Variants in SAMD5 observed in about 807,000 individuals in gnomAD.
SAMD5 encodes sterile alpha motif domain containing 5.
A neutral mutation model predicts 11.3 loss-of-function variants in SAMD5; 13 were observed. The ratio of observed to expected loss-of-function variants is 1.15; its 90% confidence interval spans 0.75 to 1.83. The LOEUF (loss-of-function observed/expected upper bound fraction) is 1.83. SAMD5 is among the 40% of genes most tolerant of loss of function. The pLI is 0.00. For missense variants in SAMD5, 255 were observed against 239.1 expected (o/e 1.07, Z -0.44); for synonymous variants, 129 against 111.3 (o/e 1.16, Z -1.00).
At chr6:147,622,992 C>T (rs1583110926) in intron 1 of SAMD5, among the ~76,000 whole-genome samples, 3 of 152,142 alleles carry the variant, frequency 2.0e-5, no homozygotes, top group Non-Finnish European at 4.4e-5. Flanking sequence ...GGAAACAGCC[C>T]TCATGATTAA....
At chr6:147,748,396 A>G in the SAMD5 span, among the ~76,000 whole-genome samples, 9 of 152,204 alleles carry the variant, frequency 5.9e-5, no homozygotes, top group African/African-American at 2.2e-4. Context: ...CACCTGTGCC[A>G]AGGAAATAGT....
intron 1 of SAMD5, among the ~76,000 whole-genome samples, chr6:147,628,545 T>C (rs898502696): frequency 6.6e-6 from 1 of 152,218 alleles, no homozygotes. Flanking sequence ...CAGGACAGTC[T>C]ATCTGAATCT....
At chr6:147,715,490 A>T (rs866509938) in intron 1 of SAMD5, among the ~76,000 whole-genome samples, 28 of 152,140 alleles carry the variant, frequency 1.8e-4, no homozygotes, top group African/African-American at 6.3e-4. Context: ...AGCCCCAGAG[A>T]GGTTGTCACA....
At chr6:147,520,118 T>TATAG (rs1788229232) in intron 1 of SAMD5, among the ~76,000 whole-genome samples, 1 of 44,756 alleles carries the variant, frequency 2.2e-5, no homozygotes, top group African/African-American at 4.2e-4. Flanking sequence ...AACTTTATAG[T>TATAG]TTTTTTTTTT....
chr6:147,803,245 T>C, the SAMD5 span, among the ~76,000 whole-genome samples: 4,717 of 151,874 alleles, frequency 0.031, 243 homozygotes, highest in African/African-American at 0.11. Flanking sequence ...TGTTTCTTCG[T>C]TGATTCTCAC....
At chr6:147,834,878 C>T in the SAMD5 span, among the ~76,000 whole-genome samples, 1 of 152,090 alleles carries the variant, frequency 6.6e-6, no homozygotes, top group Non-Finnish European at 1.5e-5. Flanking sequence ...AATTTGGACT[C>T]CATAAGTATG....
At chr6:147,744,863 A>C in the SAMD5 span, among the ~76,000 whole-genome samples, 1 of 145,534 alleles carries the variant, frequency 6.9e-6, no homozygotes, top group Non-Finnish European at 1.5e-5. Flanking sequence ...ACACCACTGC[A>C]CTCCAGCCTG....
intron 1 of SAMD5, among the ~76,000 whole-genome samples, chr6:147,537,737 C>CAG (rs552911458): frequency 7.7e-4 from 111 of 144,666 alleles, no homozygotes; most frequent in African/African-American, 2.9e-3. Flanking sequence ...GCCTGGGTGA[C>CAG]AGAGAGAGAC....
chr6:147,676,718 A>C (rs190181822), intron 1 of SAMD5, among the ~76,000 whole-genome samples: 10 of 151,838 alleles, frequency 6.6e-5, no homozygotes, highest in Non-Finnish European at 1.2e-4. Flanking sequence ...AGAAAGTAAC[A>C]TTTAAACCAG....
the SAMD5 span, among the ~76,000 whole-genome samples, chr6:147,832,367 TA>T: frequency 6.6e-6 from 1 of 152,180 alleles, no homozygotes; most frequent in African/African-American, 2.4e-5. Flanking sequence ...CTATAAAAAA[TA>T]AAAACGATGT....
chr6:147,856,427 T>C, the SAMD5 span, among the ~76,000 whole-genome samples: 1 of 152,224 alleles, frequency 6.6e-6, no homozygotes, highest in Non-Finnish European at 1.5e-5. Context: ...CTTTAATATG[T>C]GCAGTTTGGC....
At chr6:147,909,605 T>TTCTTTCTTTCTTTCTTTTCTTTCTTTC in the SAMD5 span, among the ~76,000 whole-genome samples, 10 of 70,000 alleles carry the variant, frequency 1.4e-4, 1 homozygote, top group East Asian at 1.8e-3. Context: ...TCTTTCTTTC[T>TTCTTTCTTTCTTTCTTTTCTTTCTTTC]TTCTTTCTTT....
chr6:147,689,893 G>A (rs1178485017), intron 1 of SAMD5, among the ~76,000 whole-genome samples: 1 of 152,128 alleles, frequency 6.6e-6, no homozygotes, highest in East Asian at 1.9e-4. Flanking sequence ...AAGTAATTCT[G>A]TCTGGAAATT....
chr6:147,751,665 G>A, the SAMD5 span, among the ~76,000 whole-genome samples: 231 of 152,212 alleles, frequency 1.5e-3, no homozygotes, highest in Non-Finnish European at 2.0e-3. Context: ...ATTAACCCCC[G>A]TAAAAAAATG....
chr6:147,799,309 A>T, the SAMD5 span, among the ~76,000 whole-genome samples: 2 of 151,738 alleles, frequency 1.3e-5, no homozygotes, highest in African/African-American at 2.4e-5. Context: ...AAAGTATTTT[A>T]TTTCTCCTTC....
At chr6:147,597,060 C>A (rs1211782624) in intron 1 of SAMD5, among the ~76,000 whole-genome samples, 1 of 152,128 alleles carries the variant, frequency 6.6e-6, no homozygotes, top group Non-Finnish European at 1.5e-5. Flanking sequence ...GAGGAATCAC[C>A]TGGATTCATT....
At chr6:147,587,509 T>C (rs1789391424) in intron 1 of SAMD5, among the ~76,000 whole-genome samples, 2 of 152,208 alleles carry the variant, frequency 1.3e-5, no homozygotes, top group African/African-American at 4.8e-5. Flanking sequence ...TGTGCTGGCA[T>C]TACAGGCATG....
the SAMD5 span, among the ~76,000 whole-genome samples, chr6:147,918,237 A>C: frequency 9.9e-5 from 15 of 152,082 alleles, no homozygotes; most frequent in African/African-American, 2.9e-4. Context: ...CTTTTATTTC[A>C]TTGAGCAGTG....
chr6:147,842,969 C>A, the SAMD5 span, among the ~76,000 whole-genome samples: 1 of 152,182 alleles, frequency 6.6e-6, no homozygotes, highest in Non-Finnish European at 1.5e-5. Context: ...AAGTGATTCT[C>A]CCACCTCAGC....
Sources: gnomAD v4.1 joint callset for allele counts (sites outside exome capture counted in the v4.1 genomes callset) on GRCh38, gnomAD v4.1.1 for gene constraint, MANE v1.5 for transcripts, NCBI Gene and HGNC (gene_info 2026-07-23, HGNC 2026-07-21) for gene names.